Variants in SEMA3C observed in about 807,000 individuals in gnomAD.
The protein encoded by SEMA3C is semaphorin 3C.
A neutral mutation model predicts 89.4 loss-of-function variants in SEMA3C; 47 were observed. The ratio of observed to expected loss-of-function variants is 0.53; its 90% CI spans 0.42 to 0.67. The LOEUF (loss-of-function observed/expected upper bound fraction) is 0.67, where lower values mean the gene tolerates loss of function less well. Ranked by LOEUF, SEMA3C falls within the 30% of genes least tolerant of loss-of-function variation. The probability of loss-of-function intolerance (pLI) is 0.00; values close to 1 mark genes in which losing one functional copy is unlikely to be tolerated. For missense variants in SEMA3C, 839 were observed against 929.1 expected, an observed-to-expected ratio of 0.90 and a Z score of 1.26; for synonymous variants, 310 against 320.2, an observed-to-expected ratio of 0.97 and a Z score of 0.34.
chr7:80,744,689 C>T lies in SEMA3C; in HGVS notation c.*205G>A, dbSNP rs370818813. ...GGGTTAAGTTAAATATATTTATATG[C>T]ACCATGAGGACCATGACATGTCTAG... On this transcript the variant is annotated 3_prime_UTR_variant, in exon 18 of 18. Coordinates refer to ENST00000265361, the MANE Select transcript of SEMA3C (RefSeq NM_006379.5). The T allele has an allele frequency of 1.2e-5, 7 of 595,190 alleles. No homozygotes were observed. The highest frequency in any genetic ancestry group is 1.9e-5 in the African/African-American group (1 of 53,634). 36.9% of individuals were successfully genotyped at this position (595,190 alleles called of 1,614,324 possible).
chr7:80,875,297 C>G (rs73374848), intron 2 of SEMA3C, among the ~76,000 whole-genome samples: 6,242 of 152,064 alleles, frequency 0.041, 323 homozygotes, highest in African/African-American at 0.13. Context: ...ATCAGAAAAA[C>G]TGTGACATTT....
At chr7:80,867,605 G>A (rs1363016507) in intron 2 of SEMA3C, among the ~76,000 whole-genome samples, 1 of 152,068 alleles carries the variant, frequency 6.6e-6, no homozygotes, top group African/African-American at 2.4e-5. Context: ...GCTAGTACAG[G>A]CAGGGTGCAT....
intron 12 of SEMA3C, 76 bp downstream of exon 12, chr7:80,789,230 T>C: frequency 1.7e-6 from 2 of 1,151,094 alleles, no homozygotes; most frequent in East Asian, 2.4e-5. Flanking sequence ...TTCAAGATCA[T>C]GGCCCTTACC....
At chr7:80,888,410 G>C (rs899732465) in intron 2 of SEMA3C, among the ~76,000 whole-genome samples, 2 of 152,076 alleles carry the variant, frequency 1.3e-5, no homozygotes, top group African/African-American at 4.8e-5. Flanking sequence ...GCTGCAGTGA[G>C]CTGAGATGAC....
chr7:80,780,792 G>A (rs990129313), intron 12 of SEMA3C, among the ~76,000 whole-genome samples: 6 of 152,110 alleles, frequency 3.9e-5, no homozygotes, highest in African/African-American at 1.4e-4. Context: ...GCTGAGATGG[G>A]AGGATCACCT....
intron 2 of SEMA3C, among the ~76,000 whole-genome samples, chr7:80,899,049 T>C (rs1044952138): frequency 1.3e-5 from 2 of 152,208 alleles, no homozygotes; most frequent in Admixed American, 1.3e-4. Flanking sequence ...TATCAACATT[T>C]TTTTTGTTTG....
chr7:80,802,121 T>C (rs1343573865), intron 9 of SEMA3C, among the ~76,000 whole-genome samples: 3 of 152,120 alleles, frequency 2.0e-5, no homozygotes, highest in Non-Finnish European at 4.4e-5. Flanking sequence ...GGAATCAGAC[T>C]GTCAGTCCTT....
intron 12 of SEMA3C, among the ~76,000 whole-genome samples, chr7:80,774,086 G>A (rs939767554): frequency 2.6e-5 from 4 of 152,212 alleles, no homozygotes; most frequent in African/African-American, 9.6e-5. Flanking sequence ...CTGATAAGAT[G>A]TGGAAGGGAG....
In SEMA3C at chr7:80,755,019, T is replaced by C. The variant is rs372058795; in HGVS notation, c.1643+3312A>G. On this transcript the variant is annotated intron_variant, in intron 15 of 17. Coordinates refer to ENST00000265361, the MANE Select transcript of SEMA3C (RefSeq NM_006379.5). ...TTTGCCATGTTGGCTAGGCTGGTCT[T>C]AAACTCCTGACCTCAAGTGATCTGC... Among the ~76,000 whole-genome samples, 33 of 148,034 alleles carry C rather than the reference T, an allele frequency of 2.2e-4. No individual in the cohort carries two copies. The East Asian group carries it at 6.1e-3, about 27-fold the overall frequency.
chr7:80,768,539 G>A (rs927459957), intron 12 of SEMA3C, among the ~76,000 whole-genome samples: 2 of 151,440 alleles, frequency 1.3e-5, no homozygotes, highest in Non-Finnish European at 2.9e-5. Context: ...GAATTACCCC[G>A]ATAACAACTT....
chr7:80,774,878 T>C (rs1213140369), intron 12 of SEMA3C, among the ~76,000 whole-genome samples: 2 of 151,986 alleles, frequency 1.3e-5, no homozygotes, highest in Non-Finnish European at 2.9e-5. Context: ...AATAACCAAG[T>C]TGAAGAAATG....
intron 14 of SEMA3C, among the ~76,000 whole-genome samples, chr7:80,759,763 G>A (rs1010788188): frequency 6.6e-6 from 1 of 152,142 alleles, no homozygotes; most frequent in African/African-American, 2.4e-5. Context: ...TTCAGAAATT[G>A]TGCTGAAATT....
intron 2 of SEMA3C, among the ~76,000 whole-genome samples, chr7:80,874,987 G>A (rs1405699913): frequency 2.6e-5 from 4 of 151,862 alleles, no homozygotes; most frequent in African/African-American, 4.8e-5. Flanking sequence ...GGGAGGCTGA[G>A]ACAGGACAAT....
chr7:80,745,071 G>C lies in SEMA3C; in HGVS notation c.2079C>G (p.Ile693Met), dbSNP rs548842273. ...TTTCTGAGTGGCTGAATGCCCCCATGATGTCCTTCGGGTGGAAGGGTAAAG... is the reference window on the plus strand; with the variant it reads ...TTTCTGAGTGGCTGAATGCCCCCATCATGTCCTTCGGGTGGAAGGGTAAAG... The part of the protein sequence containing the change: ...VRALPFHPKD[I>M]MGAFSHSEMQ... The change falls in exon 18 of 18, where the codon ATC becomes ATG. Residue 693 changes from isoleucine (I) to methionine (M), a missense_variant. Transcript: ENST00000265361. The C allele has an allele frequency of 1.2e-6, 2 of 1,613,966 alleles. No homozygotes were observed. The highest frequency in any genetic ancestry group is 1.7e-6 in the Non-Finnish European group (2 of 1,180,012).
intron 2 of SEMA3C, among the ~76,000 whole-genome samples, chr7:80,909,077 AGTGT>A (rs1017837209): frequency 6.6e-6 from 1 of 151,950 alleles, no homozygotes; most frequent in African/African-American, 2.4e-5. Flanking sequence ...AGACGATGTG[AGTGT>A]GTGTATGTGT....
intron 2 of SEMA3C, among the ~76,000 whole-genome samples, chr7:80,845,966 C>T (rs7808430): frequency 0.04 from 6,149 of 152,156 alleles, 313 homozygotes; most frequent in African/African-American, 0.12. Flanking sequence ...AGAAGTCATG[C>T]CTACTTTAAG....
chr7:80,897,074 T>G (rs1315413751), intron 2 of SEMA3C, among the ~76,000 whole-genome samples: 1 of 152,186 alleles, frequency 6.6e-6, no homozygotes, highest in African/African-American at 2.4e-5. Flanking sequence ...ATGGCCTGAC[T>G]CAACCACTGG....
At chr7:80,862,475 A>G (rs1790795825) in intron 2 of SEMA3C, among the ~76,000 whole-genome samples, 1 of 152,222 alleles carries the variant, frequency 6.6e-6, no homozygotes, top group African/African-American at 2.4e-5. Context: ...TCCCATGCTC[A>G]TGGATGGGTA....
At chr7:80,770,800 C>T (rs1289697032) in intron 12 of SEMA3C, among the ~76,000 whole-genome samples, 1 of 152,212 alleles carries the variant, frequency 6.6e-6, no homozygotes, top group African/African-American at 2.4e-5. Flanking sequence ...GGGCCCTGCC[C>T]TTCCTGGGAA....
Sources: allele counts gnomAD v4.1 joint callset (sites outside exome capture counted in the v4.1 genomes callset), GRCh38; gene constraint gnomAD v4.1.1; transcripts MANE v1.5; gene names NCBI Gene and HGNC (gene_info 2026-07-23, HGNC 2026-07-21).